The following SNRPB variants were observed in gnomAD, a reference collection of about 807,000 sequenced individuals.
SNRPB encodes the protein small nuclear ribonucleoprotein-associated proteins B and B'.
SNRPB carries 5 observed loss-of-function variants against 26.6 expected under a neutral mutation model. The ratio of observed to expected loss-of-function variants is 0.19; its 90% CI spans 0.10 to 0.39. The LOEUF (loss-of-function observed/expected upper bound fraction) is 0.39. Ranked by LOEUF, SNRPB falls within the 10% of genes least tolerant of loss-of-function variation. The pLI, the probability that SNRPB is intolerant of heterozygous loss-of-function variation, is 1.00. For missense variants in SNRPB, 211 were observed against 311.9 expected (o/e 0.68, Z 2.44); for synonymous variants, 122 against 105.8 (o/e 1.15, Z -0.94).
intron 1 of SNRPB, among the ~76,000 whole-genome samples, chr20:2,469,934 TCCC>T (rs1294889082): frequency 1.3e-5 from 2 of 152,174 alleles, no homozygotes; most frequent in South Asian, 2.1e-4. Flanking sequence ...TCTGTAATAT[TCCC>T]CCCATTTTCG....
At position 2,463,622 on chromosome 20, in the gene SNRPB, C is replaced by G; in HGVS notation, c.420+125G>C. 1 of 729,288 alleles carries G rather than the reference C, an allele frequency of 1.4e-6. No individual in the cohort carries two copies. The highest frequency in any genetic ancestry group is 1.8e-5 in the South Asian group (1 of 54,580). 45.2% of individuals were successfully genotyped at this position (729,288 alleles called of 1,614,324 possible). A position where few individuals can be genotyped will look rare whatever the true frequency, so the allele number is the denominator to read the frequency against. ...TGCTTCTAGGGCCATGTATAAACCA[C>G]AGTGAAACACTGATAGTCTGACAAT... On this transcript the variant is annotated intron_variant, in intron 4 of 6. Coordinates refer to ENST00000381342, the MANE Select transcript of SNRPB (RefSeq NM_003091.4). This position sits in a 1 kb window ranked among gnomAD's most constrained non-coding sequence, Gnocchi z 5.0.
chr20:2,467,404 T>G, intron 2 of SNRPB: 1 of 649,786 alleles, frequency 1.5e-6, no homozygotes, highest in Non-Finnish European at 2.8e-6. Flanking sequence ...CTTCACAACT[T>G]GTACTTTGCT....
At chr20:2,466,288 T>C (rs1349767010) in intron 2 of SNRPB, among the ~76,000 whole-genome samples, 1 of 152,006 alleles carries the variant, frequency 6.6e-6, no homozygotes. Flanking sequence ...TCATCTTACA[T>C]CAGAAATAGG....
At chr20:2,465,887 TC>T in intron 2 of SNRPB, 68 bp from the exon 3 acceptor site, 1 of 1,189,870 alleles carries the variant, frequency 8.4e-7, no homozygotes, top group South Asian at 1.2e-5. Context: ...CCTAGTGGCC[TC>T]CAAGATTTGC....
In SNRPB at chr20:2,462,781, AG is replaced by A; in HGVS notation, c.560-21del. On this transcript the variant is annotated intron_variant, in intron 5 of 6. Transcript: ENST00000381342. Reference sequence around the variant, plus strand: ...TCATGCCTGCAAGAGAAAAGCCCCAAGAATATAGCTCAAGTGTCTATCTTGA... The same window carrying A: ...TCATGCCTGCAAGAGAAAAGCCCCAAAATATAGCTCAAGTGTCTATCTTGA... The A allele has an allele frequency of 6.6e-7, 1 of 1,518,984 alleles. No homozygotes were observed. The highest frequency in any genetic ancestry group is 8.8e-7 in the Non-Finnish European group (1 of 1,135,078). The allele number at this position is 1,518,984 out of a possible 1,614,324, so 94.1% of individuals were successfully genotyped here.
At chr20:2,470,648 A>G (rs1164801340) in intron 1 of SNRPB, 40 bp downstream of exon 1, 6 of 1,612,574 alleles carry the variant, frequency 3.7e-6, no homozygotes, top group African/African-American at 1.3e-5. Flanking sequence ...TCCACAACAG[A>G]CTCGGAAGCT....
intron 2 of SNRPB, among the ~76,000 whole-genome samples, chr20:2,466,059 G>A (rs2085071123): frequency 6.6e-6 from 1 of 152,000 alleles, no homozygotes; most frequent in African/African-American, 2.4e-5. Flanking sequence ...GGTCAACAAA[G>A]CCCAGCCCGG....
intron 3 of SNRPB, among the ~76,000 whole-genome samples, chr20:2,465,267 T>C (rs1270710897): frequency 6.6e-6 from 1 of 152,222 alleles, no homozygotes; most frequent in East Asian, 1.9e-4. Context: ...CTGACCCAGA[T>C]GGCTTCAGGT....
At chr20:2,464,595 C>T (rs1203826297) in intron 3 of SNRPB, among the ~76,000 whole-genome samples, 2 of 152,140 alleles carry the variant, frequency 1.3e-5, no homozygotes, top group East Asian at 3.8e-4. Context: ...AAAATGTTAA[C>T]ATTAAGTGAA....
rs1035155346 is a variant in SNRPB, at chr20:2,463,919, G to A, written c.268-20C>T. On this transcript the variant is annotated intron_variant, in intron 3 of 6. Transcript: ENST00000381342. This position sits in a 1 kb window ranked among gnomAD's most constrained non-coding sequence, Gnocchi z 5.0. Reference sequence around the variant, plus strand: ...ACCAGTCTGAAAAATAAACAAATATGCTCTGATGCCCAGTGATCTGAAGAT... The same window carrying A: ...ACCAGTCTGAAAAATAAACAAATATACTCTGATGCCCAGTGATCTGAAGAT... 1.9e-6 allele frequency: 3 copies of A among 1,605,694 alleles called. No homozygotes were observed. The highest frequency in any genetic ancestry group is 2.2e-5 in the East Asian group (1 of 44,750).
chr20:2,461,974 A>T (rs1215420951), intron 6 of SNRPB, 35 bp from the exon 7 acceptor site: 8 of 1,528,462 alleles, frequency 5.2e-6, no homozygotes, highest in Non-Finnish European at 7.2e-6. Context: ...TCAGTGCCTG[A>T]TCTGCAACTT....
intron 1 of SNRPB, among the ~76,000 whole-genome samples, chr20:2,468,305 G>A (rs918700678): frequency 5.9e-5 from 9 of 152,250 alleles, no homozygotes; most frequent in African/African-American, 2.2e-4. Context: ...TTTGGCAGAG[G>A]GAAACTTCTG....
intron 1 of SNRPB, among the ~76,000 whole-genome samples, chr20:2,470,281 A>C (rs1457180416): frequency 8.1e-6 from 1 of 123,912 alleles, no homozygotes; most frequent in Non-Finnish European, 1.7e-5. Flanking sequence ...ACTTCCGCCA[A>C]CTCTTTCTCA....
At chr20:2,469,492 G>A (rs2085098481) in intron 1 of SNRPB, among the ~76,000 whole-genome samples, 1 of 152,110 alleles carries the variant, frequency 6.6e-6, no homozygotes, top group African/African-American at 2.4e-5. Flanking sequence ...AGGAGTTCGA[G>A]ACCAGTCTGG....
Position 2,462,718 on chromosome 20 carries a change from G to A in SNRPB, c.603C>T (p.Pro201=), listed in dbSNP as rs1401354573. The change falls in exon 6 of 7, where the codon CCC becomes CCT. Residue 201 remains proline, a synonymous_variant. Coordinates refer to ENST00000381342, the MANE Select transcript of SNRPB (RefSeq NM_003091.4). ...CTCTTCCAGGGGGGATCCCCATTGG[G>A]GGACCCATAGGAGGTCTCATACCAG... ...PPPGMRPPMG[P]PMGIPPGRGT... 1.3e-6 allele frequency: 2 copies of A among 1,584,856 alleles called. No individual in the cohort carries two copies. The highest frequency in any genetic ancestry group is 4.5e-5 in the East Asian group (2 of 44,660).
intron 3 of SNRPB, 126 bp from the exon 4 acceptor site, chr20:2,464,025 C>T: frequency 1.3e-6 from 1 of 794,636 alleles, no homozygotes; most frequent in Non-Finnish European, 2.1e-6. Context: ...CTTATAAATA[C>T]TACCTCTCCA....
chr20:2,464,717 C>T (rs1396879538), intron 3 of SNRPB, among the ~76,000 whole-genome samples: 9 of 151,950 alleles, frequency 5.9e-5, no homozygotes, highest in East Asian at 1.9e-4. Context: ...ATTAAAATAA[C>T]GTCTTGGCAG....
In SNRPB at chr20:2,463,985, C is replaced by T. The variant is rs1200411803; in HGVS notation, c.268-86G>A. On this transcript the variant is annotated intron_variant, in intron 3 of 6. Coordinates refer to ENST00000381342, the MANE Select transcript of SNRPB (RefSeq NM_003091.4). The surrounding 1 kb of genome is among the most constrained non-coding windows in gnomAD (Gnocchi z 5.0). ...GAATATCATTGCCAAGAGAGCCCCT[C>T]GAAATAGCTTATAAATACTATCGAA... The T allele has an allele frequency of 4.4e-6, 5 of 1,137,792 alleles. No individual in the cohort carries two copies. The highest frequency in any genetic ancestry group is 2.4e-5 in the East Asian group (1 of 41,548). 70.5% of individuals were successfully genotyped at this position (1,137,792 alleles called of 1,614,324 possible).
At position 2,461,668 on chromosome 20, in the gene SNRPB, A is replaced by T. The variant is rs536014633; in HGVS notation, c.*261T>A. 1 of 905,012 alleles carries T rather than the reference A, an allele frequency of 1.1e-6. No homozygotes were observed. Among genetic ancestry groups the T allele is most frequent in the East Asian group, 2.6e-5 (1 of 38,116 alleles). 56.1% of individuals were successfully genotyped at this position (905,012 alleles called of 1,614,324 possible). ...AATGTTCTCTTAAGAGTTTATTATAAACCAGTTTCATAGGCCACAAGGAGA... is the reference window on the plus strand; with the variant it reads ...AATGTTCTCTTAAGAGTTTATTATATACCAGTTTCATAGGCCACAAGGAGA... On this transcript the variant is annotated 3_prime_UTR_variant, in exon 7 of 7. Coordinates refer to ENST00000381342, the MANE Select transcript of SNRPB (RefSeq NM_003091.4).
Sources: gnomAD v4.1 joint callset for allele counts (sites outside exome capture counted in the v4.1 genomes callset) on GRCh38, gnomAD v4.1.1 for gene constraint, Gnocchi (gnomAD v3.1) non-coding constraint, MANE v1.5 for transcripts, NCBI Gene and HGNC (gene_info 2026-07-23, HGNC 2026-07-21) for gene names.